Variants in TTI1 observed in about 807,000 individuals in gnomAD.
TTI1 encodes TELO2-interacting protein 1 homolog.
A neutral mutation model predicts 85.4 loss-of-function variants in TTI1; 52 were observed. The ratio of observed to expected loss-of-function variants is 0.61; its 90% CI spans 0.49 to 0.77. The LOEUF (loss-of-function observed/expected upper bound fraction) is 0.77, where lower values mean the gene tolerates loss of function less well. Ranked by LOEUF, TTI1 falls within the 30% of genes least tolerant of loss-of-function variation. The probability of loss-of-function intolerance (pLI) is 0.00; values close to 1 mark genes in which losing one functional copy is unlikely to be tolerated. For synonymous variants in TTI1, 512 were observed against 503.9 expected (o/e 1.02, Z -0.22); for missense variants, 1,173 against 1,296.0 (o/e 0.91, Z 1.46).
At chr20:38,015,434 C>T (rs2073668608) in intron 1 of TTI1, among the ~76,000 whole-genome samples, 1 of 152,104 alleles carries the variant, frequency 6.6e-6, no homozygotes, top group African/African-American at 2.4e-5. Context: ...TAATGACATC[C>T]CATGTGCACT....
At position 37,996,773 on chromosome 20, in the gene TTI1, G is replaced by T; in HGVS notation, c.2974C>A (p.Pro992Thr). The T allele has an allele frequency of 6.2e-7, 1 of 1,612,654 alleles. No homozygotes were observed. Among genetic ancestry groups the T allele is most frequent in the East Asian group, 2.2e-5 (1 of 44,826 alleles). Residue 992 changes from proline (P) to threonine (T), a missense_variant, in exon 6 of 8, where the codon CCC becomes ACC. Transcript: ENST00000373447. ...LQLAVLQGLGPLCERLDLGEG... is the reference protein window; with the variant it reads ...LQLAVLQGLGTLCERLDLGEG... ...CCTAGGTCCAGTCTCTCACAGAGGG[G>T]GCCCAGGCCCTGTAAGACAGCCAGC...
chr20:38,009,903 C>T (rs2073558326), intron 2 of TTI1, among the ~76,000 whole-genome samples: 1 of 152,208 alleles, frequency 6.6e-6, no homozygotes, highest in Non-Finnish European at 1.5e-5. Context: ...GAGAGGCCCT[C>T]CCTGACCACT....
chr20:38,006,536 T>G (rs1269620812), intron 2 of TTI1, 139 bp from the exon 3 acceptor site: 1 of 886,562 alleles, frequency 1.1e-6, no homozygotes, highest in Non-Finnish European at 1.7e-6. Context: ...GCCTCCCAGT[T>G]GCCCATTAAC....
At chr20:37,993,166 A>C (rs1351273384) in intron 7 of TTI1, among the ~76,000 whole-genome samples, 3 of 147,400 alleles carry the variant, frequency 2.0e-5, no homozygotes, top group Non-Finnish European at 4.5e-5. Context: ...GTGGTAACAC[A>C]CAGCAAGGTC....
chr20:38,020,005 A>T (rs2073740297), intron 1 of TTI1, among the ~76,000 whole-genome samples: 1 of 152,224 alleles, frequency 6.6e-6, no homozygotes, highest in Non-Finnish European at 1.5e-5. Flanking sequence ...ATTTCTGCAG[A>T]AATATGATGA....
At chr20:38,011,454 C>A in intron 2 of TTI1, 61 bp downstream of exon 2, 1 of 1,553,838 alleles carries the variant, frequency 6.4e-7, no homozygotes, top group African/African-American at 1.4e-5. Context: ...CGAGGCTAAG[C>A]AAACTAGGAG....
intron 1 of TTI1, among the ~76,000 whole-genome samples, chr20:38,016,972 T>G (rs1229766685): frequency 2.6e-5 from 4 of 152,352 alleles, no homozygotes; most frequent in African/African-American, 9.6e-5. Context: ...TTCTACCACT[T>G]TGATCTCTAA....
At chr20:37,999,437 G>C (rs1387608750) in intron 4 of TTI1, 109 bp from the exon 5 acceptor site, 9 of 1,187,574 alleles carry the variant, frequency 7.6e-6, no homozygotes, top group Non-Finnish European at 3.3e-6. Flanking sequence ...TTGGATAATT[G>C]TTTTCTGAGT....
intron 4 of TTI1, among the ~76,000 whole-genome samples, chr20:38,000,101 G>T (rs1202379179): frequency 6.6e-6 from 1 of 152,208 alleles, no homozygotes; most frequent in Non-Finnish European, 1.5e-5. Context: ...ATCTGTTTTG[G>T]AGATGACGTG....
At position 37,996,370 on chromosome 20, in the gene TTI1, C is replaced by G. The variant is rs772019969; in HGVS notation, c.3086+5G>C. 11 of 1,613,926 alleles carry G rather than the reference C, an allele frequency of 6.8e-6. No homozygotes were observed. Among genetic ancestry groups the G allele is most frequent in the African/African-American group, 1.3e-5 (1 of 74,898 alleles). ...AAAGGGATGCGGGTGATCAGGCAGACGTACCTCCTGGCAGCCTCTTGTAAT... is the reference window on the plus strand; with the variant it reads ...AAAGGGATGCGGGTGATCAGGCAGAGGTACCTCCTGGCAGCCTCTTGTAAT... On this transcript the variant is annotated splice_donor_5th_base_variant and intron_variant, in intron 7 of 7. Coordinates refer to ENST00000373447, the MANE Select transcript of TTI1 (RefSeq NM_001303457.2).
At chr20:37,998,181 G>A (rs1182095940) in intron 5 of TTI1, among the ~76,000 whole-genome samples, 8 of 151,994 alleles carry the variant, frequency 5.3e-5, no homozygotes, top group African/African-American at 1.4e-4. Flanking sequence ...ACCTGCCTCC[G>A]CCTCCCAAAG....
chr20:38,030,615 A>G (rs1331824607), intron 1 of TTI1, among the ~76,000 whole-genome samples: 2 of 152,006 alleles, frequency 1.3e-5, no homozygotes, highest in East Asian at 3.9e-4. Flanking sequence ...AATATTTGAA[A>G]ATCAATTAGA....
chr20:38,031,074 A>G (rs1377428122), intron 1 of TTI1, among the ~76,000 whole-genome samples: 1 of 151,956 alleles, frequency 6.6e-6, no homozygotes, highest in Non-Finnish European at 1.5e-5. Flanking sequence ...CTTTCTTACC[A>G]CTTCCACAGA....
Position 37,999,303 on chromosome 20 carries a change from A to G in TTI1, c.2678T>C (p.Val893Ala). Residue 893 changes from valine (V) to alanine (A), a missense_variant, in exon 5 of 8, where the codon GTG becomes GCG. By Grantham distance (64) the Val-to-Ala change is moderately conservative. Transcript: ENST00000373447. Reference protein sequence around the residue: ...LKVLDVLDLCVVVLQSHKNQL... With the variant: ...LKVLDVLDLCAVVLQSHKNQL... ...GTTTTTGTGGGACTGAAGAACAACC[A>G]CACACAGATCCAGCACATCCAAGAC... 1.4e-6 allele frequency: 2 copies of G among 1,480,052 alleles called. No individual in the cohort carries two copies. 91.7% of individuals were successfully genotyped at this position (1,480,052 alleles called of 1,614,324 possible). A position where few individuals can be genotyped will look rare whatever the true frequency, so the allele number is the denominator to read the frequency against.
chr20:38,013,974 G>A, intron 1 of TTI1, 117 bp from the exon 2 acceptor site: 4 of 1,016,970 alleles, frequency 3.9e-6, no homozygotes, highest in Non-Finnish European at 5.6e-6. Context: ...CACTGCACAA[G>A]GCACTAGGGG....
chr20:38,030,282 A>C (rs1247528913), intron 1 of TTI1, among the ~76,000 whole-genome samples: 1 of 152,008 alleles, frequency 6.6e-6, no homozygotes, highest in African/African-American at 2.4e-5. Context: ...AGTGGAGGGA[A>C]TCTCCAAACC....
In TTI1 at chr20:38,027,393, AT is replaced by A. The variant is rs915619714; in HGVS notation, c.-42+6010del. 6.6e-5 allele frequency among the ~76,000 whole-genome samples: 10 copies of A among 152,064 alleles called. 1 individual carries two copies. The highest frequency in any genetic ancestry group is 2.4e-4 in the African/African-American group (10 of 41,456). The stretch of plus-strand genomic sequence containing the variant: ...GTTGTATTGTTATCTTTTACTTTTT[AT>A]TTTTTTCAAATACAGTTGACCCTTG... On this transcript the variant is annotated intron_variant, in intron 1 of 7. Transcript: ENST00000373447.
At chr20:38,008,978 ATT>A (rs879376039) in intron 2 of TTI1, among the ~76,000 whole-genome samples, 2 of 143,240 alleles carry the variant, frequency 1.4e-5, no homozygotes, top group South Asian at 2.2e-4. Flanking sequence ...CCTCCACCTC[ATT>A]TTTTTTTTTT....
intron 1 of TTI1, among the ~76,000 whole-genome samples, chr20:38,028,896 C>T (rs1240847311): frequency 6.6e-6 from 1 of 152,100 alleles, no homozygotes; most frequent in East Asian, 1.9e-4. Flanking sequence ...TTTTAAAGAC[C>T]GAGTTTCGCC....
Sources: allele counts gnomAD v4.1 joint callset (sites outside exome capture counted in the v4.1 genomes callset), GRCh38; gene constraint gnomAD v4.1.1; transcripts MANE v1.5; gene names NCBI Gene and HGNC (gene_info 2026-07-23, HGNC 2026-07-21).